Variants in SPATA13 observed in about 807,000 individuals in gnomAD.
The protein encoded by SPATA13 is spermatogenesis associated 13.
Under a neutral mutation model 104.0 loss-of-function variants are expected in SPATA13, and 50 were observed. That is an observed-to-expected ratio of 0.48 (90% confidence interval 0.38 to 0.61). The LOEUF (loss-of-function observed/expected upper bound fraction) is 0.61. SPATA13 is among the 20% of genes least tolerant of loss of function. The pLI, the probability that SPATA13 is intolerant of heterozygous loss-of-function variation, is 0.00. For missense variants in SPATA13, 1,524 were observed against 1,690.6 expected (o/e 0.90, Z 1.73); for synonymous variants, 606 against 667.5 (o/e 0.91, Z 1.42).
chr13:24,209,168 G>T lies in SPATA13; in HGVS notation c.-111-13651G>T, dbSNP rs17080413. Among the ~76,000 whole-genome samples the T allele has an allele frequency of 3.8e-3, 578 of 152,272 alleles. 20 individuals are homozygous for T. The East Asian group carries it at 0.086, about 23-fold the overall frequency. On this transcript the variant is annotated intron_variant, in intron 1 of 12. Transcript: ENST00000382108. ...TGCCCAAGAACTGTACTCAGGACAA[G>T]CCGATTTCAGGAATTCGACTTGAAC...
At chr13:24,123,059 C>A in intron 3 of SPATA13, 1 of 952,802 alleles carries the variant, frequency 1.0e-6, no homozygotes. Flanking sequence ...AATGTTGTGT[C>A]ATTTCTACTG....
intron 3 of SPATA13, among the ~76,000 whole-genome samples, chr13:24,154,126 G>GA (rs35355340): frequency 0.19 from 27,783 of 150,122 alleles, 3,191 homozygotes; most frequent in East Asian, 0.64. Flanking sequence ...CAAGCATTTT[G>GA]AAAAAAAAAG....
chr13:24,109,580 G>T (rs1232194579), intron 3 of SPATA13, among the ~76,000 whole-genome samples: 3 of 152,192 alleles, frequency 2.0e-5, no homozygotes, highest in African/African-American at 7.2e-5. Context: ...ACAAGATAGA[G>T]ATAGAGGCAG....
At chr13:24,159,842 C>G (rs1309321217), upstream of SPATA13, among the ~76,000 whole-genome samples, 2 of 152,100 alleles carry the variant, frequency 1.3e-5, no homozygotes, top group Non-Finnish European at 2.9e-5. Flanking sequence ...ATAGTGCTGG[C>G]CACTAAATGA....
chr13:24,216,946 G>A (rs1196104926), intron 1 of SPATA13, among the ~76,000 whole-genome samples: 5 of 152,208 alleles, frequency 3.3e-5, no homozygotes, highest in Admixed American at 6.5e-5. Context: ...AGATACTTGG[G>A]AGGCTGAGGT....
intron 1 of SPATA13, among the ~76,000 whole-genome samples, chr13:24,197,001 C>T (rs752892240): frequency 4.6e-5 from 7 of 152,100 alleles, no homozygotes; most frequent in Admixed American, 2.6e-4. Flanking sequence ...AAAAGAGGAA[C>T]TTAGTTCTGT....
In SPATA13 at chr13:24,247,478, CT is replaced by C. The variant is rs10625714; in HGVS notation, c.1654-1980del. Among the ~76,000 whole-genome samples the C allele has an allele frequency of 7.8e-4, 68 of 87,116 alleles. 1 individual carries two copies. Among genetic ancestry groups the C allele is most frequent in the South Asian group, 6.0e-3 (13 of 2,162 alleles). The allele number at this position is 87,116 out of a possible 152,430, so 57.2% of individuals were successfully genotyped here. On this transcript the variant is annotated intron_variant, in intron 2 of 12. Transcript: ENST00000382108. ...CACTGTGCTCTTTGCTCCACATTCA[CT>C]TTTTTTTTTTTTTTTTTTGAGACAG...
In SPATA13 at chr13:24,099,650, G is replaced by A. The variant is rs567234407; in HGVS notation, c.-112+81949G>A. Among the ~76,000 whole-genome samples the A allele has an allele frequency of 1.2e-4, 18 of 152,318 alleles. 1 individual carries two copies. In the South Asian group the frequency reaches 2.1e-3, roughly 18 times the overall value. ...TGTTTCCAGAGACCTACCAAGAGGC[G>A]GACCAGGCCCCTGGATGTAGCTGTC... On this transcript the variant is annotated intron_variant, in intron 3 of 14. Coordinates refer to the SPATA13 transcript ENST00000424834.
chr13:24,026,714 AC>A (rs1877230666), intron 3 of SPATA13, among the ~76,000 whole-genome samples: 1 of 152,112 alleles, frequency 6.6e-6, no homozygotes, highest in Non-Finnish European at 1.5e-5. Flanking sequence ...AGTAGCTGGG[AC>A]TACAGGTGCC....
At chr13:24,139,939 G>A (rs556902693) in intron 3 of SPATA13, among the ~76,000 whole-genome samples, 65 of 152,184 alleles carry the variant, frequency 4.3e-4, no homozygotes, top group African/African-American at 1.5e-3. Flanking sequence ...GTGGTGGCGG[G>A]CACCTGTAGT....
At chr13:24,021,375 C>T (rs1450899791) in intron 3 of SPATA13, among the ~76,000 whole-genome samples, 1 of 152,188 alleles carries the variant, frequency 6.6e-6, no homozygotes, top group Admixed American at 6.5e-5. Flanking sequence ...CACCTGTAGT[C>T]CCAGCTACTT....
intron 1 of SPATA13, among the ~76,000 whole-genome samples, chr13:24,196,692 T>C (rs147747660): frequency 3.3e-5 from 5 of 152,296 alleles, no homozygotes; most frequent in African/African-American, 1.2e-4. Context: ...GCTGTGATTA[T>C]TGCACCACTG....
At chr13:24,217,707 G>C (rs552491738) in intron 1 of SPATA13, among the ~76,000 whole-genome samples, 1 of 152,308 alleles carries the variant, frequency 6.6e-6, no homozygotes, top group South Asian at 2.1e-4. Flanking sequence ...GTTGCTACCA[G>C]CCCCTGGGCT....
chr13:24,275,303 G>T (rs1325739844), intron 4 of SPATA13, among the ~76,000 whole-genome samples: 1 of 152,182 alleles, frequency 6.6e-6, no homozygotes, highest in Non-Finnish European at 1.5e-5. Context: ...AGGAATCAGG[G>T]GCCCCCAGAG....
intron 4 of SPATA13, among the ~76,000 whole-genome samples, chr13:24,267,889 GA>G (rs1165872969): frequency 6.6e-6 from 1 of 152,232 alleles, no homozygotes; most frequent in Non-Finnish European, 1.5e-5. Context: ...GAGTTGTCTA[GA>G]ACAACACTTC....
chr13:24,037,162 T>C (rs960062719), intron 3 of SPATA13, among the ~76,000 whole-genome samples: 6 of 134,752 alleles, frequency 4.5e-5, no homozygotes, highest in Non-Finnish European at 9.1e-5. Flanking sequence ...ATGAGAACAC[T>C]TGGACACAGG....
At chr13:24,172,417 T>C (rs1883011092) in intron 1 of SPATA13, among the ~76,000 whole-genome samples, 1 of 152,242 alleles carries the variant, frequency 6.6e-6, no homozygotes, top group South Asian at 2.1e-4. Flanking sequence ...GTACCAAGTC[T>C]AAGAACTCCG....
Position 24,297,396 on chromosome 13 carries a change from AT to A in SPATA13, c.3246del (p.His1083IlefsTer5), listed in dbSNP as rs1566202027. 1 of 1,613,238 alleles carries A rather than the reference AT, an allele frequency of 6.2e-7. No homozygotes were observed. On this transcript the variant is annotated frameshift_variant, in exon 11 of 13. Coordinates refer to ENST00000382108, the MANE Select transcript of SPATA13 (RefSeq NM_001166271.3). LOFTEE classifies it high-confidence loss of function. Reference protein sequence around the residue: ...LDILDRSSELIHSGELTKITK... With the variant: ...LDILDRSSELXHSGELTKITK... ...TATCTTAGACCGAAGCTCAGAATTG[AT>A]TCATTCTGGGGAGCTGACCAAAATC...
chr13:24,063,811 GT>G (rs1375622528), intron 3 of SPATA13, among the ~76,000 whole-genome samples: 3 of 152,176 alleles, frequency 2.0e-5, no homozygotes, highest in African/African-American at 7.2e-5. Context: ...CTTAGTCGCT[GT>G]CCTGAATTTG....
Sources: allele counts gnomAD v4.1 joint callset (sites outside exome capture counted in the v4.1 genomes callset), GRCh38; gene constraint gnomAD v4.1.1; transcripts MANE v1.5; gene names NCBI Gene and HGNC (gene_info 2026-07-23, HGNC 2026-07-21).